The following GLB1 variants were observed in gnomAD, a reference collection of about 807,000 sequenced individuals.
GLB1 encodes the protein galactosidase beta 1.
In GLB1, 56 loss-of-function variants were observed where a neutral mutation model predicts 74.0. That is an observed-to-expected ratio of 0.76 (90% CI 0.61 to 0.94). The LOEUF (loss-of-function observed/expected upper bound fraction) is 0.94. GLB1 is among the 40% of genes least tolerant of loss of function. The pLI is 0.00. For missense variants in GLB1, 787 were observed against 845.5 expected, an observed-to-expected ratio of 0.93 and a Z score of 0.86; for synonymous variants, 323 against 323.6, an observed-to-expected ratio of 1.00 and a Z score of 0.02.
chr3:33,001,758 A>G (rs1391832486), intron 15 of GLB1, among the ~76,000 whole-genome samples: 2 of 152,202 alleles, frequency 1.3e-5, no homozygotes, highest in Admixed American at 1.3e-4. Context: ...TTCTGCCAAG[A>G]AAAGATTCGT....
intron 6 of GLB1, among the ~76,000 whole-genome samples, chr3:33,054,878 G>A (rs1254637932): frequency 2.0e-5 from 3 of 152,156 alleles, no homozygotes; most frequent in Non-Finnish European, 2.9e-5. Flanking sequence ...ACACCAACCC[G>A]AGCAGAGAAT....
chr3:33,059,276 C>G (rs947767485), intron 5 of GLB1, among the ~76,000 whole-genome samples: 1 of 123,172 alleles, frequency 8.1e-6, no homozygotes, highest in African/African-American at 2.8e-5. Context: ...CACACACACA[C>G]ACACACACAC....
the GLB1 span, among the ~76,000 whole-genome samples, chr3:32,984,511 G>A: frequency 2.6e-5 from 4 of 152,148 alleles, no homozygotes; most frequent in African/African-American, 9.7e-5. Context: ...GTTGTGGTGG[G>A]TCATGCCTAT....
the GLB1 span, among the ~76,000 whole-genome samples, chr3:32,986,891 A>G: frequency 1.3e-5 from 2 of 151,846 alleles, no homozygotes; most frequent in African/African-American, 2.4e-5. Context: ...GCTGCAATAG[A>G]CTATTTCTTT....
the GLB1 span, among the ~76,000 whole-genome samples, chr3:32,966,116 G>A: frequency 6.6e-6 from 1 of 152,218 alleles, no homozygotes. Flanking sequence ...TAGTGGAGCT[G>A]TGAGAAGAGG....
intron 1 of GLB1, chr3:33,094,151 C>T: frequency 6.2e-7 from 1 of 1,612,730 alleles, no homozygotes; most frequent in Non-Finnish European, 8.5e-7. Context: ...TGACAGCAGC[C>T]AGGGTGGCCT....
chr3:33,068,368 G>A lies in GLB1; in HGVS notation c.397-78C>T. 4 of 1,580,348 alleles carry A rather than the reference G, an allele frequency of 2.5e-6. No homozygotes were observed. In the African/African-American group the frequency reaches 5.4e-5, roughly 21 times the overall value. On this transcript the variant is annotated intron_variant, in intron 3 of 15. Coordinates refer to ENST00000307363, the MANE Select transcript of GLB1 (RefSeq NM_000404.4). ...GAGGAGATAGAAATTACTATTAGTAGTTATGGAAAAGAATAAAAGCTTCAA... is the reference window on the plus strand; with the variant it reads ...GAGGAGATAGAAATTACTATTAGTAATTATGGAAAAGAATAAAAGCTTCAA...
chr3:33,086,388 G>A (rs1174521330), intron 1 of GLB1, among the ~76,000 whole-genome samples: 1 of 152,036 alleles, frequency 6.6e-6, no homozygotes, highest in Non-Finnish European at 1.5e-5. Context: ...CTTTGTAAAG[G>A]ATCCATAGCC....
In GLB1 at chr3:33,014,202, G is replaced by A. The variant is rs371397760; in HGVS notation, c.1588C>T (p.Arg530Cys). 1.7e-4 allele frequency: 280 copies of A among 1,614,168 alleles called. No individual in the cohort carries two copies. In the African/African-American group the frequency reaches 2.9e-3, roughly 17 times the overall value. The change falls in exon 15 of 16, where the codon CGT becomes TGT. Residue 530 changes from arginine (R) to cysteine (C), a missense_variant. Transcript: ENST00000307363. The stretch of plus-strand genomic sequence containing the variant: ...GCTTCATCATGGTGGCCACTGTCAC[G>A]GTGTCCCCAGCCCCCCAGGTGGCTG... Reference protein sequence around the residue: ...VCSHLGGWGHRDSGHHDEAWA... With the variant: ...VCSHLGGWGHCDSGHHDEAWA...
chr3:33,018,698 T>A, intron 12 of GLB1, 137 bp from the exon 13 acceptor site: 1 of 923,726 alleles, frequency 1.1e-6, no homozygotes, highest in Non-Finnish European at 1.6e-6. Flanking sequence ...CCGAAAAAAT[T>A]AAATTTGAAA....
chr3:33,075,608 C>A (rs931055628), intron 1 of GLB1, among the ~76,000 whole-genome samples: 1 of 152,040 alleles, frequency 6.6e-6, no homozygotes, highest in Non-Finnish European at 1.5e-5. Context: ...ACAGTGAGGT[C>A]GAGGCGGTAA....
chr3:33,074,128 A>C (rs1263916601), intron 1 of GLB1, among the ~76,000 whole-genome samples: 1 of 151,086 alleles, frequency 6.6e-6, no homozygotes, highest in Non-Finnish European at 1.5e-5. Flanking sequence ...TCACGAGGTC[A>C]GGAGATCGAA....
chr3:33,095,352 C>T (rs1700977530), intron 1 of GLB1, among the ~76,000 whole-genome samples: 1 of 151,436 alleles, frequency 6.6e-6, no homozygotes, highest in African/African-American at 2.4e-5. Flanking sequence ...CCCGTCTCTA[C>T]TAAAAATACA....
chr3:33,091,047 G>A (rs1004655522), intron 1 of GLB1: 3 of 985,264 alleles, frequency 3.0e-6, no homozygotes, highest in Admixed American at 6.1e-5. Flanking sequence ...ATTACCAGCC[G>A]CATCAAACAG....
intron 1 of GLB1, among the ~76,000 whole-genome samples, chr3:33,086,876 A>G (rs1700521979): frequency 6.6e-6 from 1 of 152,122 alleles, no homozygotes; most frequent in South Asian, 2.1e-4. Flanking sequence ...CAAACAAAAT[A>G]ACTATAAAAA....
At chr3:33,066,912 C>G (rs1295590591) in intron 4 of GLB1, among the ~76,000 whole-genome samples, 1 of 151,810 alleles carries the variant, frequency 6.6e-6, no homozygotes, top group East Asian at 1.9e-4. Flanking sequence ...TTACACATTG[C>G]TCTATAAAAG....
the GLB1 span, among the ~76,000 whole-genome samples, chr3:32,980,052 A>G: frequency 6.6e-6 from 1 of 152,160 alleles, no homozygotes; most frequent in Non-Finnish European, 1.5e-5. Flanking sequence ...CTCAACATTT[A>G]TCTTTTTTTA....
chr3:33,011,269 G>A (rs1043587921), intron 15 of GLB1, among the ~76,000 whole-genome samples: 17 of 151,948 alleles, frequency 1.1e-4, no homozygotes, highest in African/African-American at 3.4e-4. Context: ...AGCACTTTTC[G>A]AGGCCAAGTT....
At chr3:32,993,538 T>TA (rs1696260597), downstream of GLB1, among the ~76,000 whole-genome samples, 1 of 136,048 alleles carries the variant, frequency 7.4e-6, no homozygotes, top group Non-Finnish European at 1.6e-5. Flanking sequence ...TTTTTTTTTT[T>TA]TTTTTTTTTT....
Sources: gnomAD v4.1 joint callset for allele counts (sites outside exome capture counted in the v4.1 genomes callset) on GRCh38, gnomAD v4.1.1 for gene constraint, MANE v1.5 for transcripts, NCBI Gene and HGNC (gene_info 2026-07-23, HGNC 2026-07-21) for gene names.